The following TCF4 variants were observed in gnomAD, a reference collection of about 807,000 sequenced individuals.
TCF4 encodes SL3-3 enhancer factor 2.
TCF4 carries 3 observed loss-of-function variants against 82.1 expected under a neutral mutation model. The ratio of observed to expected loss-of-function variants is 0.04; its 90% CI spans 0.02 to 0.09. The LOEUF (loss-of-function observed/expected upper bound fraction) is 0.09, where lower values mean the gene tolerates loss of function less well. TCF4 is among the 10% of genes least tolerant of loss of function. The pLI, the probability that TCF4 is intolerant of heterozygous loss-of-function variation, is 1.00. For missense variants in TCF4, 518 were observed against 852.7 expected, an observed-to-expected ratio of 0.61 and a Z score of 4.89; for synonymous variants, 276 against 309.6, an observed-to-expected ratio of 0.89 and a Z score of 1.14.
At chr18:55,490,454 T>C (rs938643714) in intron 3 of TCF4, among the ~76,000 whole-genome samples, 4 of 152,174 alleles carry the variant, frequency 2.6e-5, no homozygotes, top group Non-Finnish European at 5.9e-5. Flanking sequence ...GAATAATATA[T>C]ACTGTTTGAC....
At chr18:55,581,303 A>G (rs2097573135) in intron 3 of TCF4, among the ~76,000 whole-genome samples, 1 of 152,026 alleles carries the variant, frequency 6.6e-6, no homozygotes, top group African/African-American at 2.4e-5. Context: ...ACAAATAAGA[A>G]AGCACAGTTT....
intron 2 of TCF4, among the ~76,000 whole-genome samples, chr18:55,612,267 CTTGAA>C (rs1568492613): frequency 2.0e-5 from 3 of 151,918 alleles, no homozygotes; most frequent in South Asian, 2.1e-4. Context: ...GATGGGCACT[CTTGAA>C]TTGAGTGAGA....
At chr18:55,432,190 C>A (rs200285385) in intron 5 of TCF4, among the ~76,000 whole-genome samples, 1 of 152,144 alleles carries the variant, frequency 6.6e-6, no homozygotes, top group Non-Finnish European at 1.5e-5. Context: ...GTAGTCCCAG[C>A]CACTTGGGTG....
At chr18:55,384,347 T>TA (rs112793732) in intron 6 of TCF4, among the ~76,000 whole-genome samples, 11 of 152,150 alleles carry the variant, frequency 7.2e-5, no homozygotes, top group East Asian at 3.9e-4. Flanking sequence ...AGTGTGCCTA[T>TA]AAAAAATCAC....
chr18:55,373,207 G>A (rs1054557216), intron 6 of TCF4, among the ~76,000 whole-genome samples: 22 of 151,460 alleles, frequency 1.5e-4, no homozygotes, highest in African/African-American at 5.1e-4. Flanking sequence ...TAAAAAATAT[G>A]TAATATAAAA....
At chr18:55,550,108 G>A (rs896427455) in intron 3 of TCF4, among the ~76,000 whole-genome samples, 4 of 152,016 alleles carry the variant, frequency 2.6e-5, no homozygotes, top group African/African-American at 4.8e-5. Flanking sequence ...TATATATCTC[G>A]TGATTTCTAG....
chr18:55,236,545 C>A (rs536363573), intron 15 of TCF4, among the ~76,000 whole-genome samples: 2 of 151,958 alleles, frequency 1.3e-5, no homozygotes, highest in Non-Finnish European at 2.9e-5. Context: ...AGGCAGACCA[C>A]GCCCACCTGC....
At chr18:55,464,871 T>G (rs760951893) in intron 3 of TCF4, among the ~76,000 whole-genome samples, 1 of 152,180 alleles carries the variant, frequency 6.6e-6, no homozygotes, top group Admixed American at 6.6e-5. Context: ...CATCGAAAAG[T>G]TGGAATTCTA....
rs1158854 is a variant in TCF4 at position 55,607,926 on chromosome 18, C to T, written c.287-20790G>A. On this transcript the variant is annotated intron_variant, in intron 2 of 20. Transcript: ENST00000398339. ...CATTTTCACTAGACAAATACAATTTCCCTGCCCAGCTTTTCATTCAAGTGG... is the reference window on the plus strand; with the variant it reads ...CATTTTCACTAGACAAATACAATTTTCCTGCCCAGCTTTTCATTCAAGTGG... 6.8e-3 allele frequency among the ~76,000 whole-genome samples: 1,038 copies of T among 152,296 alleles called. 15 individuals are homozygous for T. The highest frequency in any genetic ancestry group is 0.024 in the African/African-American group (1,002 of 41,572).
In TCF4 at chr18:55,492,520, G is replaced by A. The variant is rs566003566; in HGVS notation, c.146-28383C>T. ...AAGCTTCTAAAAACATAATTAATATGTTCTTTTTAACAAATATTCTACACT... is the reference window on the plus strand; with the variant it reads ...AAGCTTCTAAAAACATAATTAATATATTCTTTTTAACAAATATTCTACACT... On this transcript the variant is annotated intron_variant, in intron 3 of 19. Coordinates refer to ENST00000354452, the MANE Select transcript of TCF4 (RefSeq NM_001083962.2). Among the ~76,000 whole-genome samples the A allele has an allele frequency of 7.0e-4, 106 of 152,182 alleles. 1 individual carries two copies. Among genetic ancestry groups the A allele is most frequent in the African/African-American group, 2.4e-3 (98 of 41,516 alleles).
chr18:55,459,650 G>A (rs1248537786), intron 5 of TCF4, among the ~76,000 whole-genome samples: 1 of 152,138 alleles, frequency 6.6e-6, no homozygotes, highest in African/African-American at 2.4e-5. Flanking sequence ...GTCAAAAGCT[G>A]CCTTTTAAAA....
At chr18:55,363,618 A>G (rs1043981243) in intron 6 of TCF4, among the ~76,000 whole-genome samples, 1 of 152,140 alleles carries the variant, frequency 6.6e-6, no homozygotes, top group Non-Finnish European at 1.5e-5. Context: ...ATCCTGGCCA[A>G]CACGGCGAAA....
intron 8 of TCF4, among the ~76,000 whole-genome samples, chr18:55,345,137 G>A (rs41409648): frequency 0.019 from 2,953 of 152,192 alleles, 116 homozygotes; most frequent in South Asian, 0.16. Context: ...GTATGTGCAA[G>A]CCTCTTGTGT....
At chr18:55,469,737 G>A (rs1305899027) in intron 3 of TCF4, 1 of 152,050 alleles carries the variant, frequency 6.6e-6, no homozygotes, top group East Asian at 1.9e-4. Flanking sequence ...ATTTCAGCAG[G>A]GACTCTGCAG....
chr18:55,472,440 G>C (rs1217858188), intron 3 of TCF4, among the ~76,000 whole-genome samples: 4 of 152,186 alleles, frequency 2.6e-5, no homozygotes, highest in Non-Finnish European at 5.9e-5. Flanking sequence ...AATGCTGAGA[G>C]ATGAGTGCCA....
intron 5 of TCF4, among the ~76,000 whole-genome samples, chr18:55,419,070 T>G (rs1047908526): frequency 6.6e-5 from 10 of 152,234 alleles, no homozygotes; most frequent in Admixed American, 6.5e-4. Flanking sequence ...AAATAACACC[T>G]GATCCGAGGG....
chr18:55,480,777 T>A (rs1353363208), intron 3 of TCF4, among the ~76,000 whole-genome samples: 1 of 152,190 alleles, frequency 6.6e-6, no homozygotes, highest in Non-Finnish European at 1.5e-5. Context: ...AGGATTGATT[T>A]TACTTTGTAC....
chr18:55,302,459 G>A lies in TCF4; in HGVS notation c.550-22803C>T, dbSNP rs891060887. The stretch of plus-strand genomic sequence containing the variant: ...GTCCAGGCAACATAGCCCTGTATCT[G>A]AGCATCTGCATTGTTTAAATTTCAT... On this transcript the variant is annotated intron_variant, in intron 8 of 19. Coordinates refer to ENST00000354452, the MANE Select transcript of TCF4 (RefSeq NM_001083962.2). 137 of 1,536,088 alleles carry A rather than the reference G, an allele frequency of 8.9e-5. No individual in the cohort carries two copies. Among genetic ancestry groups the A allele is most frequent in the Non-Finnish European group, 1.2e-4 (136 of 1,146,916 alleles).
intron 1 of TCF4, 141 bp downstream of exon 1, chr18:55,587,897 A>T: frequency 1.5e-6 from 1 of 665,178 alleles, no homozygotes; most frequent in Non-Finnish European, 1.8e-6. Context: ...GCGGGAGGGG[A>T]AGGGGTGTCT....
Sources: allele counts gnomAD v4.1 joint callset (sites outside exome capture counted in the v4.1 genomes callset), GRCh38; gene constraint gnomAD v4.1.1; transcripts MANE v1.5; gene names NCBI Gene and HGNC (gene_info 2026-07-23, HGNC 2026-07-21).